Variants in ACTR3 observed in about 807,000 individuals in gnomAD.
ACTR3 encodes actin-related protein 3.
In ACTR3, 12 loss-of-function variants were observed where a neutral mutation model predicts 56.8. That is an observed-to-expected ratio of 0.21 (90% CI 0.14 to 0.34). The LOEUF (loss-of-function observed/expected upper bound fraction) is 0.34. Among genes scored for constraint, ACTR3 ranks in the 10% least tolerant of loss-of-function variants. The pLI is 1.00. For missense variants in ACTR3, 282 were observed against 512.5 expected (o/e 0.55, Z 4.34); for synonymous variants, 162 against 167.4 (o/e 0.97, Z 0.25).
At chr2:113,956,185 C>T (rs750805167) in intron 11 of ACTR3, among the ~76,000 whole-genome samples, 46 of 151,950 alleles carry the variant, frequency 3.0e-4, no homozygotes, top group Admixed American at 5.9e-4. Context: ...TGAGCTGCTG[C>T]GCCTGGCTGA....
intron 1 of ACTR3, among the ~76,000 whole-genome samples, chr2:113,900,532 A>C (rs770657562): frequency 1.3e-5 from 2 of 152,230 alleles, no homozygotes; most frequent in Non-Finnish European, 2.9e-5. Context: ...AGAGGGATAA[A>C]GGAAGGCCTA....
intron 1 of ACTR3, among the ~76,000 whole-genome samples, chr2:113,894,250 G>T (rs534046696): frequency 6.6e-6 from 1 of 151,862 alleles, no homozygotes; most frequent in Non-Finnish European, 1.5e-5. Context: ...CCACTACCAC[G>T]CCCAGCTAAA....
intron 1 of ACTR3, among the ~76,000 whole-genome samples, chr2:113,903,261 A>C (rs764474378): frequency 5.3e-5 from 8 of 152,180 alleles, no homozygotes; most frequent in Non-Finnish European, 1.0e-4. Flanking sequence ...GTTTGTGCCT[A>C]AGTGTGGTTT....
At chr2:113,909,480 T>C (rs556856847) in intron 1 of ACTR3, among the ~76,000 whole-genome samples, 1 of 152,260 alleles carries the variant, frequency 6.6e-6, no homozygotes, top group South Asian at 2.1e-4. Context: ...GGAGACGATA[T>C]TTACACACAT....
intron 10 of ACTR3, 102 bp downstream of exon 10, chr2:113,951,947 A>T: frequency 7.0e-7 from 1 of 1,432,732 alleles, no homozygotes; most frequent in Non-Finnish European, 9.6e-7. Flanking sequence ...AATAAGAGGA[A>T]CCTGTCAGGT....
chr2:113,954,575 T>A (rs1361584193), intron 10 of ACTR3: 1 of 150,742 alleles, frequency 6.6e-6, no homozygotes, highest in African/African-American at 2.5e-5. Context: ...TTAATTTTAA[T>A]CCCACATTTT....
At chr2:113,952,071 GA>G in intron 10 of ACTR3, 1 of 510,464 alleles carries the variant, frequency 2.0e-6, no homozygotes, top group Non-Finnish European at 3.2e-6. Context: ...AATACCTGTG[GA>G]AAGACTTTTT....
chr2:113,895,757 T>C (rs1408352060), intron 1 of ACTR3, among the ~76,000 whole-genome samples: 3 of 152,190 alleles, frequency 2.0e-5, no homozygotes, highest in Non-Finnish European at 4.4e-5. Context: ...TGTTGTTGAG[T>C]TCAAGCTCTA....
intron 1 of ACTR3, among the ~76,000 whole-genome samples, chr2:113,909,168 A>G (rs1052181761): frequency 2.6e-5 from 4 of 152,154 alleles, no homozygotes; most frequent in African/African-American, 7.2e-5. Flanking sequence ...TTTAAAATAC[A>G]TTAGAAGTGA....
intron 3 of ACTR3, among the ~76,000 whole-genome samples, chr2:113,920,739 C>A (rs1170459691): frequency 6.6e-6 from 1 of 152,118 alleles, no homozygotes; most frequent in East Asian, 1.9e-4. Flanking sequence ...TGAGAACATG[C>A]AATTTTTTAT....
In ACTR3 at chr2:113,957,681, A is replaced by G; in HGVS notation, c.*226A>G. 1 of 454,116 alleles carries G rather than the reference A, an allele frequency of 2.2e-6. No homozygotes were observed. The highest frequency in any genetic ancestry group is 4.0e-6 in the Non-Finnish European group (1 of 251,918). The allele number at this position is 454,116 out of a possible 1,614,324, so 28.1% of individuals were successfully genotyped here. On this transcript the variant is annotated 3_prime_UTR_variant, in exon 12 of 12. Coordinates refer to ENST00000263238, the MANE Select transcript of ACTR3 (RefSeq NM_005721.5). Reference sequence around the variant, plus strand: ...GATTGAATATTTGAATCTTATGTGTAACAAAAAGAAGTGGGTTTTAGTTCT... The same window carrying G: ...GATTGAATATTTGAATCTTATGTGTGACAAAAAGAAGTGGGTTTTAGTTCT...
intron 6 of ACTR3, among the ~76,000 whole-genome samples, chr2:113,936,860 A>G (rs1485088288): frequency 6.6e-6 from 1 of 152,162 alleles, no homozygotes; most frequent in East Asian, 1.9e-4. Context: ...CTAGATGTCC[A>G]TCTTCTTTAT....
intron 1 of ACTR3, chr2:113,890,814 C>G: frequency 1.0e-6 from 1 of 994,564 alleles, no homozygotes; most frequent in Non-Finnish European, 1.2e-6. Flanking sequence ...AACATTCTGC[C>G]CAGGGTGTGG....
chr2:113,934,189 A>C, intron 5 of ACTR3, 90 bp from the exon 6 acceptor site: 1 of 808,616 alleles, frequency 1.2e-6, no homozygotes, highest in Non-Finnish European at 2.0e-6. Flanking sequence ...AAAGTACTCC[A>C]GGGAACTAGT....
In ACTR3 at chr2:113,958,813, T is replaced by C. The variant is rs1680270240; in HGVS notation, c.*1358T>C. 6.6e-6 allele frequency: 1 copy of C among 152,144 alleles called. No individual in the cohort carries two copies. The highest frequency in any genetic ancestry group is 6.5e-5 in the Admixed American group (1 of 15,272). 9.4% of individuals were successfully genotyped at this position (152,144 alleles called of 1,614,324 possible). The stretch of plus-strand genomic sequence containing the variant: ...GTATCAGTGAACACTTGAACTCCAT[T>C]ATTCATGAAAATAACACGTTAGGAT... On this transcript the variant is annotated 3_prime_UTR_variant, in exon 12 of 12. Coordinates refer to ENST00000263238, the MANE Select transcript of ACTR3 (RefSeq NM_005721.5).
At position 113,951,842 on chromosome 2, in the gene ACTR3, G is replaced by A. The variant is rs34493552; in HGVS notation, c.1074G>A (p.Leu358=). Residue 358 remains leucine (L), a synonymous_variant, in exon 10 of 12, where the codon TTG becomes TTA. Coordinates refer to ENST00000263238, the MANE Select transcript of ACTR3 (RefSeq NM_005721.5). ...GTGAGGAATTGAGTGGTGGTAGATT[G>A]AAGGTTGGTTTTCCCAATTATTGGT... ...KLSEELSGGR[L]KPKPIDVQVI... is the part of the protein sequence containing the mutation. 0.033 allele frequency: 52,748 copies of A among 1,613,044 alleles called. 960 individuals are homozygous for A. Among genetic ancestry groups the A allele is most frequent in the Non-Finnish European group, 0.038 (45,280 of 1,179,172 alleles).
chr2:113,911,402 T>A (rs1166772206), intron 1 of ACTR3, among the ~76,000 whole-genome samples: 1 of 150,610 alleles, frequency 6.6e-6, no homozygotes, highest in Non-Finnish European at 1.5e-5. Context: ...TTTAATGATT[T>A]ACTCTTATTT....
intron 1 of ACTR3, among the ~76,000 whole-genome samples, chr2:113,908,740 G>A (rs1213814447): frequency 4.6e-5 from 7 of 151,798 alleles, no homozygotes; most frequent in Admixed American, 1.3e-4. Flanking sequence ...AGTATAAAGC[G>A]AGTGGTTTTA....
chr2:113,936,062 G>A (rs895308911), intron 6 of ACTR3, among the ~76,000 whole-genome samples: 3 of 152,128 alleles, frequency 2.0e-5, no homozygotes, highest in Non-Finnish European at 4.4e-5. Context: ...GGAGGCCAAG[G>A]TGGGCAGACT....
Sources: allele counts gnomAD v4.1 joint callset (sites outside exome capture counted in the v4.1 genomes callset), GRCh38; gene constraint gnomAD v4.1.1; transcripts MANE v1.5; gene names NCBI Gene and HGNC (gene_info 2026-07-23, HGNC 2026-07-21).